The following RASA2 variants were observed in gnomAD, a reference collection of about 807,000 sequenced individuals.
RASA2 encodes the protein RAS p21 protein activator 2, also known as ras GTPase-activating protein 2.
A neutral mutation model predicts 118.2 loss-of-function variants in RASA2; 155 were observed. The ratio of observed to expected loss-of-function variants is 1.31; its 90% CI spans 1.15 to 1.50. RASA2 has a LOEUF of 1.50. Ranked by LOEUF, RASA2 falls within the 40% of genes most tolerant of loss-of-function variation. RASA2 has a pLI of 0.00. For synonymous variants in RASA2, 353 were observed against 349.1 expected (o/e 1.01, Z -0.12); for missense variants, 1,016 against 1,009.6 (o/e 1.01, Z -0.09).
intron 14 of RASA2, among the ~76,000 whole-genome samples, chr3:141,576,134 CTTAACTA>C (rs1297045346): frequency 6.6e-6 from 1 of 152,246 alleles, no homozygotes; most frequent in East Asian, 1.9e-4. Flanking sequence ...TTTTTGTTGA[CTTAACTA>C]TTAATATGGT....
At chr3:141,524,075 T>G (rs1354366854) in intron 3 of RASA2, among the ~76,000 whole-genome samples, 6 of 152,232 alleles carry the variant, frequency 3.9e-5, no homozygotes, top group Non-Finnish European at 8.8e-5. Flanking sequence ...ACTTACTGGC[T>G]TAATACAGCA....
Position 141,539,680 on chromosome 3 carries a change from A to G in RASA2, c.451-853A>G, listed in dbSNP as rs148233749. On this transcript the variant is annotated intron_variant, in intron 4 of 23. Transcript: ENST00000286364. ...GTCAGCTGGAGGGAGGTAATCCAGT[A>G]CTGTTTCTTAACCAGTTTAGAATTG... is the stretch of plus-strand genomic sequence containing the variant. 4.1e-3 allele frequency among the ~76,000 whole-genome samples: 621 copies of G among 152,254 alleles called. 6 individuals carry two copies. Among genetic ancestry groups the G allele is most frequent in the African/African-American group, 0.014 (593 of 41,546 alleles).
At chr3:141,610,474 TATAA>T (rs1260521323) in intron 23 of RASA2, among the ~76,000 whole-genome samples, 2 of 115,700 alleles carry the variant, frequency 1.7e-5, no homozygotes, top group Admixed American at 1.2e-4. Context: ...ATATTATATA[TATAA>T]ATATATATAT....
intron 17 of RASA2, among the ~76,000 whole-genome samples, chr3:141,581,614 G>C (rs1443910846): frequency 6.6e-6 from 1 of 152,176 alleles, no homozygotes; most frequent in Non-Finnish European, 1.5e-5. Context: ...TTGAGGGACA[G>C]AATTGCCTCT....
chr3:141,523,217 C>T (rs2151089550), intron 3 of RASA2, among the ~76,000 whole-genome samples: 1 of 152,160 alleles, frequency 6.6e-6, no homozygotes, highest in East Asian at 1.9e-4. Flanking sequence ...CAACCTCCGC[C>T]TCCTGGTTTT....
rs375296720 is a variant in RASA2 at position 141,515,760 on chromosome 3, C to T, written c.252-568C>T. The stretch of plus-strand genomic sequence containing the variant: ...ACTAAAAATACAAAAATTAGCTGGG[C>T]GTGGTGGCATGTGCCTGTAGTCCCA... On this transcript the variant is annotated intron_variant, in intron 2 of 23. Transcript: ENST00000286364. Among the ~76,000 whole-genome samples, 108 of 151,400 alleles carry T rather than the reference C, an allele frequency of 7.1e-4. 1 individual carries two copies. In the East Asian group the frequency reaches 0.017, roughly 24 times the overall value.
At chr3:141,534,158 T>G (rs187020044) in intron 4 of RASA2, among the ~76,000 whole-genome samples, 2 of 152,342 alleles carry the variant, frequency 1.3e-5, no homozygotes, top group East Asian at 3.9e-4. Flanking sequence ...TATTAGTTAT[T>G]AGGTCCTGTA....
chr3:141,559,889 TTCAGGATCGACTTGTGGA>T lies in RASA2; in HGVS notation c.762-4_775del. 1 of 1,612,238 alleles carries T rather than the reference TTCAGGATCGACTTGTGGA, an allele frequency of 6.2e-7. No individual in the cohort carries two copies. Among genetic ancestry groups the T allele is most frequent in the South Asian group, 1.1e-5 (1 of 91,008 alleles). ...CAAAACATAAAGCCAGTTTTCAATT[TTCAGGATCGACTTGTGGA>T]ACAATGGAAACCTAGTCCAAGATGT... On this transcript the variant is annotated splice_acceptor_variant and splice_polypyrimidine_tract_variant and coding_sequence_variant and intron_variant, in exon 9 of 24. Transcript: ENST00000286364. LOFTEE classifies it high-confidence loss of function.
At chr3:141,540,505 T>C in intron 4 of RASA2, 28 bp from the exon 5 acceptor site, 1 of 1,547,330 alleles carries the variant, frequency 6.5e-7, no homozygotes. Flanking sequence ...AATAGACTAC[T>C]CAGTTTGTAA....
chr3:141,609,616 A>G (rs920178988), intron 22 of RASA2, 93 bp downstream of exon 22: 2 of 1,008,320 alleles, frequency 2.0e-6, no homozygotes, highest in African/African-American at 1.7e-5. Context: ...GAAAATACTC[A>G]TAGATTTACC....
chr3:141,551,497 C>A (rs978679310), intron 5 of RASA2, among the ~76,000 whole-genome samples: 3 of 152,168 alleles, frequency 2.0e-5, no homozygotes, highest in Non-Finnish European at 4.4e-5. Context: ...CTTGTAGCTC[C>A]CTGGAGGTTT....
intron 17 of RASA2, among the ~76,000 whole-genome samples, chr3:141,582,418 C>A (rs2083129491): frequency 1.3e-5 from 2 of 152,154 alleles, no homozygotes; most frequent in Non-Finnish European, 2.9e-5. Flanking sequence ...ACACTGTAGG[C>A]AGACTTTTAT....
chr3:141,603,245 ACATT>A (rs1403386470), intron 19 of RASA2, among the ~76,000 whole-genome samples: 1 of 152,154 alleles, frequency 6.6e-6, no homozygotes, highest in African/African-American at 2.4e-5. Flanking sequence ...ATGTAGTTGG[ACATT>A]CATTTTTATT....
chr3:141,580,754 C>G (rs548460760), intron 16 of RASA2, among the ~76,000 whole-genome samples: 33 of 151,720 alleles, frequency 2.2e-4, no homozygotes, highest in South Asian at 1.5e-3. Flanking sequence ...TGAATAGCCA[C>G]TGCACTCCAG....
chr3:141,591,966 T>C (rs1206574224), intron 19 of RASA2, among the ~76,000 whole-genome samples: 1 of 152,064 alleles, frequency 6.6e-6, no homozygotes, highest in Non-Finnish European at 1.5e-5. Flanking sequence ...ATTGAGTGCC[T>C]ACTATGTACC....
intron 13 of RASA2, among the ~76,000 whole-genome samples, chr3:141,573,723 T>TC (rs2082961065): frequency 6.6e-6 from 1 of 152,238 alleles, no homozygotes; most frequent in Admixed American, 6.5e-5. Context: ...ATTCATAGAT[T>TC]CACCTCTTAC....
At chr3:141,500,327 T>G (rs1036472224) in intron 1 of RASA2, among the ~76,000 whole-genome samples, 9 of 152,254 alleles carry the variant, frequency 5.9e-5, no homozygotes, top group Admixed American at 3.9e-4. Flanking sequence ...AAGACAGTTC[T>G]TCTCTTCCTT....
chr3:141,529,923 A>G, intron 4 of RASA2, 121 bp downstream of exon 4: 2 of 738,576 alleles, frequency 2.7e-6, no homozygotes, highest in Non-Finnish European at 4.3e-6. Context: ...CTAGCATCAA[A>G]TATTATAGAC....
rs1408030383 is a variant in RASA2 at position 141,572,038 on chromosome 3, A to G, written c.1169+484A>G. On this transcript the variant is annotated intron_variant, in intron 11 of 23. Transcript: ENST00000286364. ...TGCCTTTTTAAAAAAACATATATAT[A>G]TATATATATATATATATATATATAC... 2.6e-5 allele frequency among the ~76,000 whole-genome samples: 3 copies of G among 114,666 alleles called. No homozygotes were observed. The East Asian group carries it at 1.0e-3, about 40-fold the overall frequency. 75.2% of individuals were successfully genotyped at this position (114,666 alleles called of 152,430 possible). A position where few individuals can be genotyped will look rare whatever the true frequency, so the allele number is the denominator to read the frequency against.
Sources: gnomAD v4.1 joint callset for allele counts (sites outside exome capture counted in the v4.1 genomes callset) on GRCh38, gnomAD v4.1.1 for gene constraint, MANE v1.5 for transcripts, NCBI Gene and HGNC (gene_info 2026-07-23, HGNC 2026-07-21) for gene names.